The following OGDHL variants were observed in gnomAD, a reference collection of about 807,000 sequenced individuals.
OGDHL encodes 2-oxoglutarate dehydrogenase-like, mitochondrial.
A neutral mutation model predicts 109.6 loss-of-function variants in OGDHL; 79 were observed. The observed-to-expected ratio is 0.72, with a 90% CI of 0.60 to 0.87. OGDHL has a LOEUF of 0.87. Among genes scored for constraint, OGDHL ranks in the 40% least tolerant of loss-of-function variants. The pLI is 0.00. For missense variants in OGDHL, 1,275 were observed against 1,362.2 expected (o/e 0.94, Z 1.01); for synonymous variants, 528 against 537.2 (o/e 0.98, Z 0.24).
intron 17 of OGDHL, chr10:49,739,343 T>C (rs1841461785): frequency 7.1e-6 from 2 of 282,566 alleles, no homozygotes; most frequent in African/African-American, 2.1e-5. Flanking sequence ...GTGCCTCTGT[T>C]TCCTCATCTG....
chr10:49,760,189 C>T (rs1335909856), intron 1 of OGDHL, among the ~76,000 whole-genome samples: 1 of 152,246 alleles, frequency 6.6e-6, no homozygotes, highest in Non-Finnish European at 1.5e-5. Flanking sequence ...AAAGATTCCA[C>T]TGCAGGGAGG....
At chr10:49,749,990 T>TA (rs1842474830) in intron 7 of OGDHL, among the ~76,000 whole-genome samples, 174 bp from the exon 8 acceptor site, 1 of 152,152 alleles carries the variant, frequency 6.6e-6, no homozygotes, top group Non-Finnish European at 1.5e-5. Context: ...GCCCGAGGCT[T>TA]AAAGCCCCAT....
chr10:49,751,015 G>C, intron 6 of OGDHL, 30 bp from the exon 7 acceptor site: 1 of 1,563,156 alleles, frequency 6.4e-7, no homozygotes, highest in East Asian at 2.3e-5. Context: ...GAAGAGGAAA[G>C]GGAAAGGGAT....
rs980116646 is a variant in OGDHL, at chr10:49,742,132, C to T, written c.2012+696G>A. Among the ~76,000 whole-genome samples the T allele has an allele frequency of 1.6e-3, 225 of 140,478 alleles. 3 individuals carry two copies. The highest frequency in any genetic ancestry group is 0.014 in the Admixed American group (195 of 14,020). 92.2% of individuals were successfully genotyped at this position (140,478 alleles called of 152,430 possible). A position where few individuals can be genotyped will look rare whatever the true frequency, so the allele number is the denominator to read the frequency against. ...ACATTACACACATACACACCCTACA[C>T]ACACACCAAACATACACACACATCA... On this transcript the variant is annotated intron_variant, in intron 15 of 22. Transcript: ENST00000374103.
In OGDHL at chr10:49,734,982, G is replaced by T; in HGVS notation, c.*246C>A. 3.0e-6 allele frequency: 1 copy of T among 329,730 alleles called. No homozygotes were observed. The highest frequency in any genetic ancestry group is 5.5e-6 in the Non-Finnish European group (1 of 182,904). 20.4% of individuals were successfully genotyped at this position (329,730 alleles called of 1,614,324 possible). Reference sequence around the variant, plus strand: ...GCCGCCCAAGAAATTCCAGCAAGATGGGAGCAGCTGGGGGATGCTCCAGCA... The same window carrying T: ...GCCGCCCAAGAAATTCCAGCAAGATTGGAGCAGCTGGGGGATGCTCCAGCA... On this transcript the variant is annotated 3_prime_UTR_variant, in exon 23 of 23. Coordinates refer to ENST00000374103, the MANE Select transcript of OGDHL (RefSeq NM_018245.3).
Position 49,751,936 on chromosome 10 carries a change from C to T in OGDHL, c.640G>A (p.Asp214Asn), listed in dbSNP as rs766386468. 1 of 1,614,196 alleles carries T rather than the reference C, an allele frequency of 6.2e-7. No individual in the cohort carries two copies. Among genetic ancestry groups the T allele is most frequent in the Non-Finnish European group, 8.5e-7 (1 of 1,180,026 alleles). ...CGGATCCACTGGCACTGCTCCACAT[C>T]GTTGATGAACATGAACTCCAGGCCA... is the stretch of plus-strand genomic sequence containing the variant. ...HIGLEFMFIN[D>N]VEQCQWIRQK... Residue 214 changes from aspartate to asparagine, a missense_variant, in exon 6 of 23, where the codon GAT becomes AAT. Asp to Asn is a conservative substitution (Grantham distance 23, BLOSUM62 1). Coordinates refer to ENST00000374103, the MANE Select transcript of OGDHL (RefSeq NM_018245.3).
At chr10:49,750,754 C>T (rs774925761) in intron 7 of OGDHL, 85 bp downstream of exon 7, 18 of 1,470,296 alleles carry the variant, frequency 1.2e-5, no homozygotes, top group East Asian at 7.5e-5. Flanking sequence ...CCAACACCTC[C>T]GCTCTGATTT....
chr10:49,744,739 T>A lies in OGDHL; in HGVS notation c.1643A>T (p.Lys548Ile). Residue 548 changes from lysine (K) to isoleucine (I), a missense_variant, in exon 13 of 23, where the codon AAA becomes ATA. Lys to Ile is a moderately radical substitution (Grantham distance 102). Coordinates refer to ENST00000374103, the MANE Select transcript of OGDHL (RefSeq NM_018245.3). ...TLQEFEEEIA[K>I]YDRICEEAYG... ...AGCCTCCTCACAGATCCGGTCGTAT[T>A]TGGCAATTTCTTCCTGGAATCAGGA... 1 of 1,614,190 alleles carries A rather than the reference T, an allele frequency of 6.2e-7. No individual in the cohort carries two copies. The highest frequency in any genetic ancestry group is 1.7e-5 in the Admixed American group (1 of 60,032).
Position 49,747,131 on chromosome 10 carries a change from C to G in OGDHL, c.1065G>C (p.Leu355=). The change falls in exon 9 of 23, where the codon CTG becomes CTC. Residue 355 remains leucine, a synonymous_variant. Transcript: ENST00000374103. ...INRVTNRNIT[L]SLVANPSHLE... ...GGTGGGAGGGGTTGGCAACCAGCGA[C>G]AGAGTGATGTTCCGGTTGGTGACGC... 1 of 1,614,156 alleles carries G rather than the reference C, an allele frequency of 6.2e-7. No homozygotes were observed. The highest frequency in any genetic ancestry group is 8.5e-7 in the Non-Finnish European group (1 of 1,179,946).
In OGDHL at chr10:49,737,864, A is replaced by G; in HGVS notation, c.2518-6T>C. 1.2e-6 allele frequency: 2 copies of G among 1,614,174 alleles called. No individual in the cohort carries two copies. The highest frequency in any genetic ancestry group is 1.7e-6 in the Non-Finnish European group (2 of 1,180,018). ...TTAGGTGTGAAGATAATCAGCTGGA[A>G]GGGAAATACACGCCCAGCTGCCAGC... On this transcript the variant is annotated splice_region_variant and splice_polypyrimidine_tract_variant and intron_variant, in intron 19 of 22. Transcript: ENST00000374103.
In OGDHL at chr10:49,744,772, G is replaced by A; in HGVS notation, c.1630-20C>T. On this transcript the variant is annotated intron_variant, in intron 12 of 22. Coordinates refer to ENST00000374103, the MANE Select transcript of OGDHL (RefSeq NM_018245.3). ...TTCTTCCTGGAATCAGGATGAAGAT[G>A]TGGACAGAGCACCAAAGCCCTGCGC... The A allele has an allele frequency of 1.2e-6, 2 of 1,602,028 alleles. No individual in the cohort carries two copies. The highest frequency in any genetic ancestry group is 2.2e-5 in the East Asian group (1 of 44,832).
intron 17 of OGDHL, 198 bp downstream of exon 17, chr10:49,739,463 C>A: frequency 1.7e-6 from 1 of 591,944 alleles, no homozygotes; most frequent in South Asian, 2.9e-5. Context: ...GTGGTAGCGC[C>A]TTCTGCTGCC....
chr10:49,735,398 C>T (rs1490974877), intron 22 of OGDHL, 47 bp from the exon 23 acceptor site: 3 of 1,594,708 alleles, frequency 1.9e-6, no homozygotes, highest in South Asian at 1.1e-5. Context: ...CCTAGCCGCC[C>T]CCCAACCGCT....
At chr10:49,749,943 CA>C in intron 7 of OGDHL, 127 bp from the exon 8 acceptor site, 1 of 697,438 alleles carries the variant, frequency 1.4e-6, no homozygotes, top group East Asian at 2.8e-5. Context: ...TCAGGCCACC[CA>C]ATCACCAGGC....
At chr10:49,748,345 T>G (rs995262058) in intron 8 of OGDHL, among the ~76,000 whole-genome samples, 5 of 152,116 alleles carry the variant, frequency 3.3e-5, no homozygotes, top group Non-Finnish European at 7.4e-5. Context: ...AGAAATAAGG[T>G]TGCACTGGAA....
intron 1 of OGDHL, among the ~76,000 whole-genome samples, chr10:49,759,426 C>T (rs1243115371): frequency 6.6e-6 from 1 of 152,096 alleles, no homozygotes; most frequent in Non-Finnish European, 1.5e-5. Context: ...CAGCTCATCT[C>T]ACCTCACTCT....
At chr10:49,748,742 C>CCACACACACACACACACACACACACA (rs3223401) in intron 8 of OGDHL, among the ~76,000 whole-genome samples, 75 of 133,952 alleles carry the variant, frequency 5.6e-4, no homozygotes, top group African/African-American at 2.1e-3. Flanking sequence ...AGGTATGGGT[C>CCACACACACACACACACACACACACA]CACACACACA....
chr10:49,750,323 C>A (rs149599243), intron 7 of OGDHL, among the ~76,000 whole-genome samples: 182 of 152,336 alleles, frequency 1.2e-3, no homozygotes, highest in African/African-American at 4.2e-3. Context: ...TGCTTCCCCA[C>A]AGGCTCCAGC....
rs559225952 is a variant in OGDHL, at chr10:49,756,532, T to A, written c.375+244A>T. On this transcript the variant is annotated intron_variant, in intron 3 of 22. Transcript: ENST00000374103. Reference sequence around the variant, plus strand: ...TCCTCCACGTACTCGGGGCATGGTGTGTGCAAGGAACAGACCACAAGGACA... The same window carrying A: ...TCCTCCACGTACTCGGGGCATGGTGAGTGCAAGGAACAGACCACAAGGACA... The A allele has an allele frequency of 7.0e-4, 263 of 375,338 alleles. 1 individual carries two copies. Among genetic ancestry groups the A allele is most frequent in the Non-Finnish European group, 1.2e-3 (249 of 210,352 alleles). 23.3% of individuals were successfully genotyped at this position (375,338 alleles called of 1,614,324 possible). A position where few individuals can be genotyped will look rare whatever the true frequency, so the allele number is the denominator to read the frequency against.
Sources: gnomAD v4.1 joint callset for allele counts (sites outside exome capture counted in the v4.1 genomes callset) on GRCh38, gnomAD v4.1.1 for gene constraint, MANE v1.5 for transcripts, NCBI Gene and HGNC (gene_info 2026-07-23, HGNC 2026-07-21) for gene names.